RCOR3: variants seen among roughly 807,000 people sequenced by gnomAD.
RCOR3 encodes REST corepressor 3.
A neutral mutation model predicts 64.1 loss-of-function variants in RCOR3; 13 were observed. The ratio of observed to expected loss-of-function variants is 0.20; its 90% confidence interval spans 0.13 to 0.32. The LOEUF is 0.32. RCOR3 is among the 10% of genes least tolerant of loss of function. The probability of loss-of-function intolerance (pLI) is 1.00; values close to 1 mark genes in which losing one functional copy is unlikely to be tolerated. For missense variants in RCOR3, 489 were observed against 701.2 expected (o/e 0.70, Z 3.42); for synonymous variants, 215 against 239.0 (o/e 0.90, Z 0.93).
chr1:211,269,349 G>C (rs767508944), intron 2 of RCOR3, among the ~76,000 whole-genome samples: 2 of 152,146 alleles, frequency 1.3e-5, no homozygotes, highest in Non-Finnish European at 2.9e-5. Flanking sequence ...TGTAATCCCA[G>C]CACTTTGGGA....
intron 4 of RCOR3, among the ~76,000 whole-genome samples, chr1:211,275,709 G>A (rs1192159820): frequency 6.6e-6 from 1 of 152,126 alleles, no homozygotes; most frequent in African/African-American, 2.4e-5. Context: ...CTATTTATAT[G>A]TTCTGATAAT....
intron 8 of RCOR3, among the ~76,000 whole-genome samples, chr1:211,293,547 A>C (rs897358407): frequency 6.6e-6 from 1 of 152,132 alleles, no homozygotes; most frequent in Non-Finnish European, 1.5e-5. Context: ...CACTTTCCCT[A>C]ATCTTCCCCA....
At chr1:211,275,858 T>C (rs1696885911) in intron 4 of RCOR3, among the ~76,000 whole-genome samples, 1 of 152,240 alleles carries the variant, frequency 6.6e-6, no homozygotes, top group Non-Finnish European at 1.5e-5. Flanking sequence ...CATTTCTGGC[T>C]TTGTGGCATC....
chr1:211,306,798 A>G (rs1700893524), intron 10 of RCOR3, among the ~76,000 whole-genome samples: 1 of 152,192 alleles, frequency 6.6e-6, no homozygotes, highest in South Asian at 2.1e-4. Flanking sequence ...GAGGGGAACC[A>G]TGCTCAGATC....
chr1:211,270,715 G>A (rs1696035904), intron 2 of RCOR3, among the ~76,000 whole-genome samples: 2 of 152,070 alleles, frequency 1.3e-5, no homozygotes, highest in Admixed American at 6.5e-5. Flanking sequence ...GGGATAAACC[G>A]GCATTTGCAA....
At chr1:211,287,310 T>A (rs1698667669) in intron 7 of RCOR3, among the ~76,000 whole-genome samples, 1 of 152,150 alleles carries the variant, frequency 6.6e-6, no homozygotes, top group African/African-American at 2.4e-5. Flanking sequence ...TTGGCTTGTC[T>A]CCTGTGCCCT....
chr1:211,281,850 G>T (rs529774993), intron 7 of RCOR3, among the ~76,000 whole-genome samples: 1 of 152,068 alleles, frequency 6.6e-6, no homozygotes, highest in South Asian at 2.1e-4. Context: ...AGTGGTACTT[G>T]TTTACTCATA....
intron 7 of RCOR3, among the ~76,000 whole-genome samples, chr1:211,280,770 G>A (rs1261837330): frequency 6.6e-6 from 1 of 152,140 alleles, no homozygotes; most frequent in Non-Finnish European, 1.5e-5. Context: ...GATCACCTGA[G>A]GTCAGGAGTT....
chr1:211,292,149 C>T lies in RCOR3; in HGVS notation c.939+2753C>T, dbSNP rs189584410. Among the ~76,000 whole-genome samples the T allele has an allele frequency of 1.4e-4, 21 of 152,290 alleles. No homozygotes were observed. The East Asian group carries it at 4.1e-3, about 29-fold the overall frequency. ...CTGGTTTTTAGCTCCTTTGACTACT[C>T]AGTAATGTTTGACACTGTCAGCCAT... On this transcript the variant is annotated intron_variant, in intron 8 of 11. Transcript: ENST00000419091.
At chr1:211,289,722 T>G (rs908256930) in intron 8 of RCOR3, among the ~76,000 whole-genome samples, 1 of 152,192 alleles carries the variant, frequency 6.6e-6, no homozygotes, top group African/African-American at 2.4e-5. Context: ...ACATGTAGAT[T>G]GTTTAGTAGT....
chr1:211,283,401 C>T (rs1698093739), intron 7 of RCOR3, among the ~76,000 whole-genome samples: 1 of 152,198 alleles, frequency 6.6e-6, no homozygotes, highest in African/African-American at 2.4e-5. Flanking sequence ...AGGGAATAGC[C>T]ACATTAAACT....
Position 211,315,139 on chromosome 1 carries a change from A to G in RCOR3, c.*1371A>G, listed in dbSNP as rs1701798499. The stretch of plus-strand genomic sequence containing the variant: ...ACAGTGATTTCATATTGGAATCATT[A>G]TTTGTGCAAAGGGACAGACAGATCA... On this transcript the variant is annotated 3_prime_UTR_variant, in exon 12 of 12. Coordinates refer to ENST00000419091, the MANE Select transcript of RCOR3 (RefSeq NM_001136223.3). The G allele has an allele frequency of 6.6e-6, 1 of 152,204 alleles. No individual in the cohort carries two copies. Among genetic ancestry groups the G allele is most frequent in the Non-Finnish European group, 1.5e-5 (1 of 68,018 alleles). 9.4% of individuals were successfully genotyped at this position (152,204 alleles called of 1,614,324 possible).
At position 211,313,696 on chromosome 1, in the gene RCOR3, G is replaced by A; in HGVS notation, c.1590G>A (p.Leu530=). ...MPPRLNPRPV[L]STVGGQQPPS... is the part of the protein sequence containing the mutation. ...CCCGTCTAAACCCAAGACCGGTGTT[G>A]TCCACGGTTGGTGGTCAACAGCCAC... The change falls in exon 12 of 12, where the codon TTG becomes TTA. Residue 530 remains leucine, a synonymous_variant. Transcript: ENST00000419091. This position sits in a 1 kb window ranked among gnomAD's most constrained non-coding sequence, Gnocchi z 4.7. The A allele has an allele frequency of 6.2e-7, 1 of 1,614,186 alleles. No homozygotes were observed. The highest frequency in any genetic ancestry group is 1.1e-5 in the South Asian group (1 of 91,086).
At chr1:211,306,974 T>C (rs1232854675) in intron 10 of RCOR3, among the ~76,000 whole-genome samples, 1 of 152,220 alleles carries the variant, frequency 6.6e-6, no homozygotes, top group Admixed American at 6.5e-5. Flanking sequence ...AAGGTATTTC[T>C]ACAGTTTTTA....
intron 9 of RCOR3, chr1:211,302,320 A>G (rs1466978176): frequency 6.6e-6 from 1 of 152,256 alleles, no homozygotes; most frequent in Non-Finnish European, 1.5e-5. Context: ...CTGCAAGAGA[A>G]TGACATTAGT....
At chr1:211,277,629 A>G (rs1201047061) in intron 5 of RCOR3, among the ~76,000 whole-genome samples, 1 of 152,210 alleles carries the variant, frequency 6.6e-6, no homozygotes, top group Non-Finnish European at 1.5e-5. Flanking sequence ...CCATAGAGAC[A>G]GAAAGTAGAT....
At chr1:211,270,815 TC>T in intron 2 of RCOR3, among the ~76,000 whole-genome samples, 1 of 13,952 alleles carries the variant, frequency 7.2e-5, no homozygotes, top group Non-Finnish European at 3.7e-4. Context: ...TTACTTGTCC[TC>T]CTTTGCTGCA....
Position 211,278,133 on chromosome 1 carries a change from T to A in RCOR3, c.533T>A (p.Ile178Asn). ...RIQQMLPDKTIASLVKYYYSW... is the reference protein window; with the variant it reads ...RIQQMLPDKTNASLVKYYYSW... ...TTTTTTAAGCTTCCAGATAAGACAA[T>A]TGCAAGCCTTGTAAAATATTACTAT... The change falls in exon 6 of 12, where the codon ATT becomes AAT. Residue 178 changes from isoleucine (I) to asparagine (N), a missense_variant. By Grantham distance (149) the Ile-to-Asn change is moderately radical. Transcript: ENST00000419091. 1.9e-6 allele frequency: 3 copies of A among 1,600,142 alleles called. No homozygotes were observed. The highest frequency in any genetic ancestry group is 2.6e-6 in the Non-Finnish European group (3 of 1,175,178).
chr1:211,304,104 C>T lies in RCOR3; in HGVS notation c.1039C>T (p.Arg347Cys). The change falls in exon 10 of 12, where the codon CGT becomes TGT. Residue 347 changes from arginine (R) to cysteine (C), a missense_variant. Physicochemically the swap from Arg to Cys is radical, Grantham distance 180. Coordinates refer to ENST00000419091, the MANE Select transcript of RCOR3 (RefSeq NM_001136223.3). Reference protein sequence around the residue: ...PPESNQKINARWTTEEQLLAV... With the variant: ...PPESNQKINACWTTEEQLLAV... ...GTAGTCAAATCAGAAAATTAATGCC[C>T]GTTGGACCACAGAGGAGCAGCTTCT... 1.2e-6 allele frequency: 2 copies of T among 1,604,646 alleles called. No individual in the cohort carries two copies. Among genetic ancestry groups the T allele is most frequent in the Non-Finnish European group, 1.7e-6 (2 of 1,176,316 alleles).
Sources: allele counts gnomAD v4.1 joint callset (sites outside exome capture counted in the v4.1 genomes callset), GRCh38; gene constraint gnomAD v4.1.1; non-coding constraint Gnocchi (gnomAD v3.1); transcripts MANE v1.5; gene names NCBI Gene and HGNC (gene_info 2026-07-23, HGNC 2026-07-21).